Variants in TAF2 observed in about 807,000 individuals in gnomAD.
The protein encoded by TAF2 is TATA-box binding protein associated factor 2, also known as transcription initiation factor TFIID subunit 2.
In TAF2, 61 loss-of-function variants were observed where a neutral mutation model predicts 138.5. That is an observed-to-expected ratio of 0.44 (90% confidence interval 0.36 to 0.54). The LOEUF is 0.54. TAF2 is among the 20% of genes least tolerant of loss of function. The pLI is 0.00. For synonymous variants in TAF2, 475 were observed against 469.9 expected, an observed-to-expected ratio of 1.01 and a Z score of -0.14; for missense variants, 1,090 against 1,427.9, an observed-to-expected ratio of 0.76 and a Z score of 3.81.
intron 9 of TAF2, among the ~76,000 whole-genome samples, chr8:119,794,708 G>A (rs1376453025): frequency 6.6e-6 from 1 of 152,094 alleles, no homozygotes; most frequent in Admixed American, 6.5e-5. Flanking sequence ...TTTAAGTGTT[G>A]TGTTACTTTG....
chr8:119,808,337 G>C (rs2063283), intron 3 of TAF2, among the ~76,000 whole-genome samples: 45,338 of 152,108 alleles, frequency 0.3, 7,833 homozygotes, highest in African/African-American at 0.47. Context: ...GTTGTATCAT[G>C]AGACTGCAGC....
At chr8:119,771,554 A>T (rs1312509571) in intron 18 of TAF2, among the ~76,000 whole-genome samples, 1 of 152,140 alleles carries the variant, frequency 6.6e-6, no homozygotes, top group Non-Finnish European at 1.5e-5. Flanking sequence ...CCATTCTTAC[A>T]TCAGATAAAA....
intron 25 of TAF2, among the ~76,000 whole-genome samples, chr8:119,738,864 A>C (rs545608882): frequency 6.6e-6 from 1 of 152,212 alleles, no homozygotes; most frequent in South Asian, 2.1e-4. Context: ...GGAAAGGTGT[A>C]AGTTCTGTTC....
chr8:119,764,354 A>G lies in TAF2; in HGVS notation c.2365-1746T>C, dbSNP rs1441091195. On this transcript the variant is annotated intron_variant, in intron 18 of 25. Transcript: ENST00000378164. Reference sequence around the variant, plus strand: ...AGTCATATAAAACTACTGAATTTACAACACCTAACTATAAAAACTGATTAG... The same window carrying G: ...AGTCATATAAAACTACTGAATTTACGACACCTAACTATAAAAACTGATTAG... 2.0e-5 allele frequency among the ~76,000 whole-genome samples: 3 copies of G among 152,208 alleles called. No individual in the cohort carries two copies. In the East Asian group the frequency reaches 5.8e-4, roughly 29 times the overall value.
At chr8:119,772,834 G>A (rs1821942203) in intron 18 of TAF2, among the ~76,000 whole-genome samples, 1 of 151,582 alleles carries the variant, frequency 6.6e-6, no homozygotes, top group Admixed American at 6.6e-5. Flanking sequence ...TTACTCAGGA[G>A]GCTGAGGCAG....
intron 3 of TAF2, among the ~76,000 whole-genome samples, chr8:119,815,747 T>A (rs1288847176): frequency 6.6e-6 from 1 of 152,158 alleles, no homozygotes; most frequent in Non-Finnish European, 1.5e-5. Flanking sequence ...AACACCAAAG[T>A]GTAGCTCCTG....
intron 18 of TAF2, among the ~76,000 whole-genome samples, chr8:119,776,714 T>G (rs995534810): frequency 6.6e-6 from 1 of 152,128 alleles, no homozygotes; most frequent in African/African-American, 2.4e-5. Context: ...CAATTTGATT[T>G]ATCCTAACAC....
At chr8:119,734,050 C>CAG (rs1305919318) in intron 25 of TAF2, among the ~76,000 whole-genome samples, 6 of 152,064 alleles carry the variant, frequency 3.9e-5, no homozygotes, top group Admixed American at 3.3e-4. Context: ...GAGTAGAGGC[C>CAG]AGAGATGCTG....
At chr8:119,811,239 C>A (rs1191957609) in intron 3 of TAF2, among the ~76,000 whole-genome samples, 1 of 151,386 alleles carries the variant, frequency 6.6e-6, no homozygotes. Flanking sequence ...TTTAAATATC[C>A]ATATTGAATT....
intron 4 of TAF2, among the ~76,000 whole-genome samples, chr8:119,804,423 C>T (rs1002543401): frequency 3.9e-5 from 6 of 152,148 alleles, no homozygotes; most frequent in African/African-American, 1.4e-4. Context: ...CATCTTGCAG[C>T]GCCCATAACT....
chr8:119,832,416 C>A (rs1826519011), intron 1 of TAF2, 66 bp downstream of exon 1: 4 of 1,503,628 alleles, frequency 2.7e-6, no homozygotes, highest in African/African-American at 1.4e-5. Flanking sequence ...CAATTTCAAG[C>A]AATCGCAAAA....
intron 2 of TAF2, among the ~76,000 whole-genome samples, chr8:119,829,294 C>A (rs566462252): frequency 6.6e-6 from 1 of 152,060 alleles, no homozygotes; most frequent in African/African-American, 2.4e-5. Context: ...TCCTTTCCGC[C>A]AGGCTGCAGG....
At chr8:119,777,601 G>C (rs572662175) in intron 18 of TAF2, among the ~76,000 whole-genome samples, 92 of 152,114 alleles carry the variant, frequency 6.0e-4, no homozygotes, top group Non-Finnish European at 9.0e-4. Context: ...CAATGGTAAA[G>C]AAAAGAAAAA....
Position 119,831,841 on chromosome 8 carries a change from A to C in TAF2, c.84-110T>G, listed in dbSNP as rs193179536. ...AGGACTATGTTCTAAGTAATTCAAAATTACATGTCAATATTTCATTTTAAA... is the reference window on the plus strand; with the variant it reads ...AGGACTATGTTCTAAGTAATTCAAACTTACATGTCAATATTTCATTTTAAA... On this transcript the variant is annotated intron_variant, in intron 1 of 25. Transcript: ENST00000378164. The C allele has an allele frequency of 1.1e-4, 79 of 711,786 alleles. No individual in the cohort carries two copies. The African/African-American group carries it at 1.2e-3, about 11-fold the overall frequency. The allele number at this position is 711,786 out of a possible 1,614,324, so 44.1% of individuals were successfully genotyped here.
intron 2 of TAF2, among the ~76,000 whole-genome samples, chr8:119,825,663 C>G (rs983678768): frequency 1.3e-5 from 2 of 152,016 alleles, no homozygotes; most frequent in African/African-American, 4.8e-5. Context: ...GATAGTCTCA[C>G]GAGACCTGAC....
Position 119,744,596 on chromosome 8 carries a change from A to C in TAF2, c.3109-203T>G, listed in dbSNP as rs1005566372. 1.5e-5 allele frequency: 9 copies of C among 585,206 alleles called. No homozygotes were observed. The African/African-American group carries it at 1.7e-4, about 11-fold the overall frequency. The allele number at this position is 585,206 out of a possible 1,614,324, so 36.3% of individuals were successfully genotyped here. A position where few individuals can be genotyped will look rare whatever the true frequency, so the allele number is the denominator to read the frequency against. On this transcript the variant is annotated intron_variant, in intron 23 of 25. Coordinates refer to ENST00000378164, the MANE Select transcript of TAF2 (RefSeq NM_003184.4). ...AGCCTCTAAAAGAAGCCAATTAGAA[A>C]TTACTGGAAATGTAATAGCAACTAA... is the stretch of plus-strand genomic sequence containing the variant.
At chr8:119,797,920 C>T (rs921379091) in intron 6 of TAF2, 74 bp from the exon 7 acceptor site, 106 of 1,325,484 alleles carry the variant, frequency 8.0e-5, no homozygotes, top group Non-Finnish European at 1.1e-4. Flanking sequence ...CTAAACACCT[C>T]AACTATAAAT....
intron 8 of TAF2, among the ~76,000 whole-genome samples, chr8:119,796,182 T>C (rs1823813757): frequency 2.0e-5 from 3 of 152,000 alleles, no homozygotes; most frequent in Admixed American, 1.3e-4. Context: ...CATCCATCCA[T>C]CCATCCATAA....
intron 1 of TAF2, 25 bp downstream of exon 1, chr8:119,832,457 G>A (rs756616767): frequency 2.5e-6 from 4 of 1,608,838 alleles, no homozygotes; most frequent in Non-Finnish European, 2.6e-6. Context: ...CCAAAAGGAA[G>A]GAAGGGAAAT....
Sources: gnomAD v4.1 joint callset for allele counts (sites outside exome capture counted in the v4.1 genomes callset) on GRCh38, gnomAD v4.1.1 for gene constraint, MANE v1.5 for transcripts, NCBI Gene and HGNC (gene_info 2026-07-23, HGNC 2026-07-21) for gene names.